Variants in UNC13B observed in about 807,000 individuals in gnomAD.
The protein encoded by UNC13B is protein unc-13 homolog B.
In UNC13B, 144 loss-of-function variants were observed where a neutral mutation model predicts 211.0. The observed-to-expected ratio is 0.68, with a 90% CI of 0.60 to 0.78. The LOEUF (loss-of-function observed/expected upper bound fraction) is 0.78. Among genes scored for constraint, UNC13B ranks in the 30% least tolerant of loss-of-function variants. UNC13B has a pLI of 0.00. For synonymous variants in UNC13B, 709 were observed against 725.8 expected (o/e 0.98, Z 0.37); for missense variants, 1,777 against 2,002.0 (o/e 0.89, Z 2.14).
At chr9:35,311,011 G>T (rs896796185) in intron 10 of UNC13B, among the ~76,000 whole-genome samples, 1 of 152,128 alleles carries the variant, frequency 6.6e-6, no homozygotes, top group Admixed American at 6.6e-5. Context: ...TTGAGATAGG[G>T]TCTCACTCTG....
At chr9:35,260,745 C>A (rs1827227591) in intron 7 of UNC13B, among the ~76,000 whole-genome samples, 1 of 152,108 alleles carries the variant, frequency 6.6e-6, no homozygotes, top group South Asian at 2.1e-4. Context: ...GAATCTGAAT[C>A]CAAAACCAGG....
At position 35,348,721 on chromosome 9, in the gene UNC13B, T is replaced by A. The variant is rs367800536; in HGVS notation, c.9415-18226T>A. Reference sequence around the variant, plus strand: ...ACAGTTCTCTCATTTTAGCTTTATATAATAACATTCCTGTAATTATCTCCC... The same window carrying A: ...ACAGTTCTCTCATTTTAGCTTTATAAAATAACATTCCTGTAATTATCTCCC... On this transcript the variant is annotated intron_variant, in intron 11 of 39. Transcript: ENST00000635942. Among the ~76,000 whole-genome samples, 3 of 152,320 alleles carry A rather than the reference T, an allele frequency of 2.0e-5. No individual in the cohort carries two copies. In the East Asian group the frequency reaches 5.8e-4, roughly 29 times the overall value.
chr9:35,264,909 C>G (rs1277330258), intron 7 of UNC13B, among the ~76,000 whole-genome samples: 1 of 152,126 alleles, frequency 6.6e-6, no homozygotes, highest in Non-Finnish European at 1.5e-5. Flanking sequence ...CTATGTCTGC[C>G]CTACGATTGT....
Position 35,243,284 on chromosome 9 carries a change from A to T in UNC13B, c.395-7A>T, listed in dbSNP as rs1406178591. 6.2e-7 allele frequency: 1 copy of T among 1,611,808 alleles called. No homozygotes were observed. Among genetic ancestry groups the T allele is most frequent in the Non-Finnish European group, 8.5e-7 (1 of 1,178,826 alleles). On this transcript the variant is annotated splice_region_variant and splice_polypyrimidine_tract_variant and intron_variant, in intron 5 of 39. Coordinates refer to ENST00000635942, the MANE Select transcript of UNC13B (RefSeq NM_001371189.2). ...TTCTTTTCTTTTTCTTCTTTTTTTTATGGTAGATATCCCAGAGGAGGAAGC... is the reference window on the plus strand; with the variant it reads ...TTCTTTTCTTTTTCTTCTTTTTTTTTTGGTAGATATCCCAGAGGAGGAAGC...
rs1835054774 is a variant in UNC13B at position 35,384,409 on chromosome 9, G to A, written c.10875+95G>A. The stretch of plus-strand genomic sequence containing the variant: ...TCTTGGCTATAAAGATTGAGGCCAG[G>A]GAAAACTGGTCTGTGTCATCACATC... On this transcript the variant is annotated intron_variant, in intron 22 of 39. Transcript: ENST00000635942. 5 of 1,522,258 alleles carry A rather than the reference G, an allele frequency of 3.3e-6. No individual in the cohort carries two copies. The South Asian group carries it at 5.2e-5, about 16-fold the overall frequency. 94.3% of individuals were successfully genotyped at this position (1,522,258 alleles called of 1,614,324 possible).
chr9:35,398,148 C>A, intron 30 of UNC13B, 63 bp from the exon 31 acceptor site: 1 of 1,504,848 alleles, frequency 6.6e-7, no homozygotes, highest in Non-Finnish European at 9.1e-7. Flanking sequence ...AGGGAGGGAA[C>A]CTAGGCTAAT....
intron 11 of UNC13B, among the ~76,000 whole-genome samples, chr9:35,356,046 G>T (rs982543157): frequency 6.6e-6 from 1 of 152,124 alleles, no homozygotes; most frequent in East Asian, 1.9e-4. Flanking sequence ...ATAGAAGGAG[G>T]TTTTCTAAAG....
chr9:35,312,159 G>A (rs1329847994), intron 10 of UNC13B, among the ~76,000 whole-genome samples: 1 of 152,182 alleles, frequency 6.6e-6, no homozygotes, highest in Non-Finnish European at 1.5e-5. Context: ...AGGGATGGGT[G>A]TGACTTAGAG....
At chr9:35,182,699 A>G (rs1283985625) in intron 1 of UNC13B, among the ~76,000 whole-genome samples, 78 of 152,150 alleles carry the variant, frequency 5.1e-4, no homozygotes, top group Non-Finnish European at 2.8e-4. Flanking sequence ...GCCTTCAAGC[A>G]TCTGTTTAAC....
At chr9:35,352,301 A>G in intron 11 of UNC13B, 1 of 1,232,170 alleles carries the variant, frequency 8.1e-7, no homozygotes, top group Non-Finnish European at 1.0e-6. Flanking sequence ...GTACATTAAA[A>G]AGGCTTACAG....
chr9:35,392,191 T>G (rs1185029973), intron 26 of UNC13B, among the ~76,000 whole-genome samples: 2 of 152,180 alleles, frequency 1.3e-5, no homozygotes, highest in Non-Finnish European at 2.9e-5. Context: ...TGGCACTTAC[T>G]CAGCACTGAC....
chr9:35,245,640 G>C (rs1826051255), intron 6 of UNC13B, among the ~76,000 whole-genome samples: 1 of 151,614 alleles, frequency 6.6e-6, no homozygotes, highest in Non-Finnish European at 1.5e-5. Context: ...TGAGAATGAT[G>C]GTTTCCAGCT....
Position 35,380,485 on chromosome 9 carries a change from C to A in UNC13B, c.10221C>A (p.Ser3407=). 6.2e-7 allele frequency: 1 copy of A among 1,614,140 alleles called. No homozygotes were observed. The highest frequency in any genetic ancestry group is 8.5e-7 in the Non-Finnish European group (1 of 1,180,006). The change falls in exon 18 of 40, where the codon TCC becomes TCA. Residue 3407 remains serine, a synonymous_variant. Coordinates refer to ENST00000635942, the MANE Select transcript of UNC13B (RefSeq NM_001371189.2). The part of the protein sequence containing the change: ...EEKFHFECHN[S]SDRIKVRVWD... Reference sequence around the variant, plus strand: ...TCTCTCACAGTGAGTGCCACAACTCCTCTGACCGCATTAAGGTGCGTGTAT... The same window carrying A: ...TCTCTCACAGTGAGTGCCACAACTCATCTGACCGCATTAAGGTGCGTGTAT...
At chr9:35,252,935 A>G (rs1587472878) in intron 6 of UNC13B, among the ~76,000 whole-genome samples, 3 of 110,742 alleles carry the variant, frequency 2.7e-5, no homozygotes, top group Non-Finnish European at 4.1e-5. Flanking sequence ...GTCTCAAAAG[A>G]AAAAAAAAAT....
chr9:35,175,039 T>C (rs1821548377), intron 1 of UNC13B, among the ~76,000 whole-genome samples: 2 of 152,228 alleles, frequency 1.3e-5, no homozygotes, highest in Admixed American at 1.3e-4. Context: ...ACTCAAGTGA[T>C]CTGTCTGCTT....
intron 1 of UNC13B, among the ~76,000 whole-genome samples, chr9:35,194,180 C>G (rs574742165): frequency 3.9e-5 from 6 of 152,320 alleles, no homozygotes; most frequent in South Asian, 2.1e-4. Context: ...TAGAAAATCT[C>G]AAAGACGCCT....
At chr9:35,202,671 C>A (rs1035409113) in intron 1 of UNC13B, among the ~76,000 whole-genome samples, 2 of 152,114 alleles carry the variant, frequency 1.3e-5, no homozygotes, top group Admixed American at 6.6e-5. Flanking sequence ...AGGATTGCAA[C>A]CTTTGCTTTT....
intron 1 of UNC13B, among the ~76,000 whole-genome samples, chr9:35,216,218 T>TA (rs1434379801): frequency 6.6e-6 from 1 of 152,200 alleles, no homozygotes; most frequent in African/African-American, 2.4e-5. Flanking sequence ...GCATTCATGA[T>TA]AAAAATTCAT....
At chr9:35,348,779 G>C (rs1287876726) in intron 11 of UNC13B, among the ~76,000 whole-genome samples, 1 of 152,144 alleles carries the variant, frequency 6.6e-6, no homozygotes, top group Non-Finnish European at 1.5e-5. Flanking sequence ...AATTCACATA[G>C]AGGTCAAGTG....
Sources: allele counts gnomAD v4.1 joint callset (sites outside exome capture counted in the v4.1 genomes callset), GRCh38; gene constraint gnomAD v4.1.1; transcripts MANE v1.5; gene names NCBI Gene and HGNC (gene_info 2026-07-23, HGNC 2026-07-21).